Variants in FLG2 observed in about 807,000 individuals in gnomAD.
The protein encoded by FLG2 is filaggrin-2.
In FLG2, 7 loss-of-function variants were observed where a neutral mutation model predicts 3.9. The observed-to-expected ratio is 1.79, with a 90% CI of 1.02 to 3.36. The LOEUF is 3.36. Ranked by LOEUF, FLG2 falls within the 30% of genes most tolerant of loss-of-function variation. The probability of loss-of-function intolerance (pLI) is 0.00; values close to 1 mark genes in which losing one functional copy is unlikely to be tolerated. For synonymous variants in FLG2, 1,031 were observed against 1,056.1 expected, an observed-to-expected ratio of 0.98 and a Z score of 0.46; for missense variants, 2,700 against 2,809.4, an observed-to-expected ratio of 0.96 and a Z score of 0.88.
intron 1 of FLG2, among the ~76,000 whole-genome samples, 191 bp from the exon 2 acceptor site, chr1:152,359,097 T>C (rs980579226): frequency 9.9e-5 from 15 of 152,190 alleles, no homozygotes; most frequent in Non-Finnish European, 4.4e-5. Context: ...TGAGTTACTT[T>C]TCTGTGATCA....
rs267598038 is a variant in FLG2 at position 152,356,866 on chromosome 1, C to T, written c.920G>A (p.Gly307Glu). ...SCQSHRFGGQGNQFSYIQSGC... is the reference protein window; with the variant it reads ...SCQSHRFGGQENQFSYIQSGC... ...TGACTGAATATAGCTAAATTGATTT[C>T]CTTGCCCTCCAAATCTATGTGACTG... Residue 307 changes from glycine (G) to glutamate (E), a missense_variant, in exon 3 of 3, where the codon GGA (glycine) becomes GAA (glutamate). Physicochemically the swap from Gly to Glu is moderately conservative, Grantham distance 98. Transcript: ENST00000388718. 1 of 1,614,228 alleles carries T rather than the reference C, an allele frequency of 6.2e-7. No individual in the cohort carries two copies. Among genetic ancestry groups the T allele is most frequent in the Admixed American group, 1.7e-5 (1 of 60,024 alleles).
At position 152,354,779 on chromosome 1, in the gene FLG2, C is replaced by A. The variant is rs1292533164; in HGVS notation, c.3007G>T (p.Gly1003Cys). ...RSSQSNYGQH[G>C]SGSSQSSGYG... ...CCAGATGACTGACTTGAGCCAGAAC[C>A]ATGTTGGCCATAATTAGACTGACTT... Residue 1003 changes from glycine to cysteine, a missense_variant, in exon 3 of 3, where the codon GGT becomes TGT. Coordinates refer to ENST00000388718, the MANE Select transcript of FLG2 (RefSeq NM_001014342.3). 1.9e-6 allele frequency: 3 copies of A among 1,613,542 alleles called. No homozygotes were observed. Among genetic ancestry groups the A allele is most frequent in the Non-Finnish European group, 2.5e-6 (3 of 1,179,890 alleles).
chr1:152,351,996 A>T lies in FLG2; in HGVS notation c.5790T>A (p.Thr1930=). 1 of 1,613,258 alleles carries T rather than the reference A, an allele frequency of 6.2e-7. No homozygotes were observed. The highest frequency in any genetic ancestry group is 8.5e-7 in the Non-Finnish European group (1 of 1,179,850). ...GTCCATGACTAGGGTGGCCATGTTC[A>T]GTGGTATCTCCTGTCTGTCCATGAG... ...QTTHGQTGDT[T]EHGHPSHGQT... Residue 1930 remains threonine, a synonymous_variant, in exon 3 of 3, where the codon ACT becomes ACA. Transcript: ENST00000388718.
At chr1:152,359,902 T>C (rs1654384625) in intron 1 of FLG2, 54 bp downstream of exon 1, 1 of 152,238 alleles carries the variant, frequency 6.6e-6, no homozygotes. Context: ...CCTAGACTTC[T>C]ACTATGGACA....
At position 152,356,725 on chromosome 1, in the gene FLG2, C is replaced by G; in HGVS notation, c.1061G>C (p.Gly354Ala). 1 of 1,614,202 alleles carries G rather than the reference C, an allele frequency of 6.2e-7. No homozygotes were observed. The highest frequency in any genetic ancestry group is 8.5e-7 in the Non-Finnish European group (1 of 1,180,032). ...TTGACCATTTTCTCTAGCTCCATATCCTCTCTGACTATAGGACTGACTACA... is the reference window on the plus strand; with the variant it reads ...TTGACCATTTTCTCTAGCTCCATATGCTCTCTGACTATAGGACTGACTACA... The part of the protein sequence containing the change: ...NPCSQSYSQR[G>A]YGARENGQPQ... Residue 354 changes from glycine to alanine, a missense_variant, in exon 3 of 3, where the codon GGA becomes GCA. Gly to Ala is a moderately conservative substitution (Grantham distance 60). Transcript: ENST00000388718.
At chr1:152,359,669 G>A (rs1454099431) in intron 1 of FLG2, among the ~76,000 whole-genome samples, 1 of 152,108 alleles carries the variant, frequency 6.6e-6, no homozygotes, top group Non-Finnish European at 1.5e-5. Context: ...CCAGAAAAGA[G>A]GGCATGGAAA....
chr1:152,353,375 G>T lies in FLG2; in HGVS notation c.4411C>A (p.Gln1471Lys), dbSNP rs201511707. The change falls in exon 3 of 3, where the codon CAG becomes AAG. Residue 1471 changes from glutamine to lysine, a missense_variant. Transcript: ENST00000388718. ...VHGRHGTTHGQTGDTTRHAHY... is the reference protein window; with the variant it reads ...VHGRHGTTHGKTGDTTRHAHY... ...GCATGTCTAGTGGTATCTCCTGTCT[G>T]TCCATGAGTAGTTCCGTGTCTCCCA... 1.3e-4 allele frequency: 211 copies of T among 1,612,970 alleles called. 1 individual carries two copies. In the Middle Eastern group the frequency reaches 3.0e-3, roughly 23 times the overall value.
In FLG2 at chr1:152,353,887, T is replaced by A. The variant is rs1174391422; in HGVS notation, c.3899A>T (p.Tyr1300Phe). ...GCGAACTGTGGATCCTGACTTTGGG[T>A]AGTGAGATCCAGCTTGTGTGTGAAT... ...EHIHTQAGSH[Y>F]PKSGSTVRRR... The change falls in exon 3 of 3, where the codon TAC (tyrosine) becomes TTC (phenylalanine). Residue 1300 changes from tyrosine (Y) to phenylalanine (F), a missense_variant. Coordinates refer to ENST00000388718, the MANE Select transcript of FLG2 (RefSeq NM_001014342.3). 3 of 1,613,906 alleles carry A rather than the reference T, an allele frequency of 1.9e-6. No individual in the cohort carries two copies. Among genetic ancestry groups the A allele is most frequent in the Non-Finnish European group, 2.5e-6 (3 of 1,179,960 alleles).
Position 152,357,195 on chromosome 1 carries a change from A to G in FLG2, c.591T>C (p.His197=), listed in dbSNP as rs1654272554. The change falls in exon 3 of 3, where the codon CAT becomes CAC. Residue 197 remains histidine (H), a synonymous_variant. Coordinates refer to ENST00000388718, the MANE Select transcript of FLG2 (RefSeq NM_001014342.3). ...CTCTCAGTTCTACAGAGCTGGAACC[A>G]TGTCTGTCTTTGCCACCACTCCATG... is the stretch of plus-strand genomic sequence containing the variant. The part of the protein sequence containing the change: ...GHSWSGGKDR[H]GSSSVELRER... 6.2e-7 allele frequency: 1 copy of G among 1,614,128 alleles called. No homozygotes were observed. The highest frequency in any genetic ancestry group is 8.5e-7 in the Non-Finnish European group (1 of 1,180,036).
chr1:152,353,825 T>TA lies in FLG2; in HGVS notation c.3960dup (p.Thr1321TyrfsTer3). On this transcript the variant is annotated frameshift_variant, in exon 3 of 3. Transcript: ENST00000388718. LOFTEE classifies it low-confidence loss of function (END_TRUNC). ...TGACCAGAATGGCCATGTCTAGTGG[T>TA]ATCTCCTCTCTGTCCATGAGTAGTT... 7 of 1,614,140 alleles carry TA rather than the reference T, an allele frequency of 4.3e-6. No homozygotes were observed. Among genetic ancestry groups the TA allele is most frequent in the Non-Finnish European group, 5.1e-6 (6 of 1,179,978 alleles).
In FLG2 at chr1:152,352,929, A is replaced by G; in HGVS notation, c.4857T>C (p.Thr1619=). The stretch of plus-strand genomic sequence containing the variant: ...TGGTATCTCCTATCTGTCCATGAGT[A>G]GTTCCGTGTCTCTCATGAACTGTGA... ...PEFTVHERHG[T]THGQIGDTTG... The change falls in exon 3 of 3, where the codon ACT becomes ACC. Residue 1619 remains threonine, a synonymous_variant. Coordinates refer to ENST00000388718, the MANE Select transcript of FLG2 (RefSeq NM_001014342.3). 1.2e-6 allele frequency: 2 copies of G among 1,613,460 alleles called. No homozygotes were observed. Among genetic ancestry groups the G allele is most frequent in the East Asian group, 4.5e-5 (2 of 44,822 alleles).
rs1387374880 is a variant in FLG2, at chr1:152,356,126, A to G, written c.1660T>C (p.Ser554Pro). Residue 554 changes from serine to proline, a missense_variant, in exon 3 of 3, where the codon TCT (serine) becomes CCT (proline). Coordinates refer to ENST00000388718, the MANE Select transcript of FLG2 (RefSeq NM_001014342.3). The stretch of plus-strand genomic sequence containing the variant: ...CTAGACCCATATTGGCCATAGCCAG[A>G]TGATTGACTTGAGCCAGAACCATGT... ...GQHGSGSSQS[S>P]GYGQYGSRET... The G allele has an allele frequency of 1.2e-6, 2 of 1,613,964 alleles. No individual in the cohort carries two copies. Among genetic ancestry groups the G allele is most frequent in the Non-Finnish European group, 1.7e-6 (2 of 1,180,040 alleles).
In FLG2 at chr1:152,349,700, A is replaced by G. The variant is rs1400824709; in HGVS notation, c.*910T>C. 6.6e-6 allele frequency: 1 copy of G among 152,582 alleles called. No homozygotes were observed. Among genetic ancestry groups the G allele is most frequent in the East Asian group, 1.9e-4 (1 of 5,194 alleles). 9.5% of individuals were successfully genotyped at this position (152,582 alleles called of 1,614,324 possible). A position where few individuals can be genotyped will look rare whatever the true frequency, so the allele number is the denominator to read the frequency against. On this transcript the variant is annotated 3_prime_UTR_variant, in exon 3 of 3. Coordinates refer to ENST00000388718, the MANE Select transcript of FLG2 (RefSeq NM_001014342.3). ...AAAGTAATAACTCCTTTGTTCTTGG[A>G]CATATTCATAGAGTGGGGTGTTGCT... is the stretch of plus-strand genomic sequence containing the variant.
Position 152,352,830 on chromosome 1 carries a change from G to C in FLG2, c.4956C>G (p.Ser1652Arg). The change falls in exon 3 of 3, where the codon AGC becomes AGG. Residue 1652 changes from serine to arginine, a missense_variant. Physicochemically the swap from Ser to Arg is moderately radical, Grantham distance 110 (BLOSUM62 -1). Coordinates refer to ENST00000388718, the MANE Select transcript of FLG2 (RefSeq NM_001014342.3). ...GSRTTGRQRSSHSESSDSEVH... is the reference protein window; with the variant it reads ...GSRTTGRQRSRHSESSDSEVH... ...CTTCACTGTCACTGGACTCACTGTGGCTAGATCTCTGTCTTCCAGTTGTCC... is the reference window on the plus strand; with the variant it reads ...CTTCACTGTCACTGGACTCACTGTGCCTAGATCTCTGTCTTCCAGTTGTCC... The C allele has an allele frequency of 6.2e-7, 1 of 1,613,800 alleles. No individual in the cohort carries two copies.
rs371252405 is a variant in FLG2 at position 152,355,140 on chromosome 1, A to G, written c.2646T>C (p.Ser882=). 21 of 1,553,490 alleles carry G rather than the reference A, an allele frequency of 1.4e-5. No individual in the cohort carries two copies. The African/African-American group carries it at 2.8e-4, about 21-fold the overall frequency. ...GQHRSSSGQY[S]GFGQHGSGSG... ...AGCCTGATCCATGTTGTCCAAAGCCAGAGTATTGACCTGAGCTTGACCTGT... is the reference window on the plus strand; with the variant it reads ...AGCCTGATCCATGTTGTCCAAAGCCGGAGTATTGACCTGAGCTTGACCTGT... The change falls in exon 3 of 3, where the codon TCT becomes TCC. Residue 882 remains serine, a synonymous_variant. Coordinates refer to ENST00000388718, the MANE Select transcript of FLG2 (RefSeq NM_001014342.3).
chr1:152,352,908 A>G lies in FLG2; in HGVS notation c.4878T>C (p.Asp1626=), dbSNP rs769605210. The change falls in exon 3 of 3, where the codon GAT becomes GAC. Residue 1626 remains aspartate, a synonymous_variant. Transcript: ENST00000388718. ...RHGTTHGQIG[D]TTGHSHSGHG... ...GACCAGAGTGGGAATGTCCAGTGGT[A>G]TCTCCTATCTGTCCATGAGTAGTTC... is the stretch of plus-strand genomic sequence containing the variant. 3 of 1,613,208 alleles carry G rather than the reference A, an allele frequency of 1.9e-6. No individual in the cohort carries two copies. Among genetic ancestry groups the G allele is most frequent in the Non-Finnish European group, 2.5e-6 (3 of 1,179,856 alleles).
In FLG2 at chr1:152,356,667, G is replaced by A. The variant is rs1654246638; in HGVS notation, c.1119C>T (p.Gly373=). Residue 373 remains glycine, a synonymous_variant, in exon 3 of 3, where the codon GGC becomes GGT. Coordinates refer to ENST00000388718, the MANE Select transcript of FLG2 (RefSeq NM_001014342.3). The stretch of plus-strand genomic sequence containing the variant: ...GTCCACAGCAAGAGGACTGACTTGA[G>A]CCTGTTCTCCATTGTCCTCCACAGT... ...PQNCGGQWRT[G]SSQSSCCGQY... The A allele has an allele frequency of 1.2e-6, 2 of 1,614,204 alleles. No homozygotes were observed. The highest frequency in any genetic ancestry group is 8.5e-7 in the Non-Finnish European group (1 of 1,180,040).
chr1:152,350,535 T>C lies in FLG2; in HGVS notation c.*75A>G. 1 of 1,516,724 alleles carries C rather than the reference T, an allele frequency of 6.6e-7. No individual in the cohort carries two copies. The highest frequency in any genetic ancestry group is 8.9e-7 in the Non-Finnish European group (1 of 1,127,838). 94.0% of individuals were successfully genotyped at this position (1,516,724 alleles called of 1,614,324 possible). On this transcript the variant is annotated 3_prime_UTR_variant, in exon 3 of 3. Transcript: ENST00000388718. ...AATGTTCATAACTTACCATTGACTGTTCATGATTTAAACTGTGTCTTCCTG... is the reference window on the plus strand; with the variant it reads ...AATGTTCATAACTTACCATTGACTGCTCATGATTTAAACTGTGTCTTCCTG...
chr1:152,357,377 C>G lies in FLG2; in HGVS notation c.409G>C (p.Gly137Arg). ...SGYRHSSWSE[G>R]EEHGYSSGHS... is the part of the protein sequence containing the mutation. ...CCAGAACTATATCCATGCTCCTCTC[C>G]CTCACTCCAACTTGAATGTCTGTAA... Residue 137 changes from glycine to arginine, a missense_variant, in exon 3 of 3, where the codon GGA becomes CGA. Coordinates refer to ENST00000388718, the MANE Select transcript of FLG2 (RefSeq NM_001014342.3). 6.2e-7 allele frequency: 1 copy of G among 1,614,146 alleles called. No individual in the cohort carries two copies. The highest frequency in any genetic ancestry group is 8.5e-7 in the Non-Finnish European group (1 of 1,180,032).
Sources: gnomAD v4.1 joint callset for allele counts (sites outside exome capture counted in the v4.1 genomes callset) on GRCh38, gnomAD v4.1.1 for gene constraint, MANE v1.5 for transcripts, NCBI Gene and HGNC (gene_info 2026-07-23, HGNC 2026-07-21) for gene names.